Variants in PLXNA4 observed in about 807,000 individuals in gnomAD.
The protein encoded by PLXNA4 is plexin-A4.
In PLXNA4, 44 loss-of-function variants were observed where a neutral mutation model predicts 191.8. That is an observed-to-expected ratio of 0.23 (90% CI 0.18 to 0.29). PLXNA4 has a LOEUF of 0.29. Among genes scored for constraint, PLXNA4 ranks in the 10% least tolerant of loss-of-function variants. PLXNA4 has a pLI of 1.00. For synonymous variants in PLXNA4, 1,082 were observed against 1,009.5 expected (o/e 1.07, Z -1.36); for missense variants, 1,800 against 2,488.8 (o/e 0.72, Z 5.89).
chr7:132,160,932 A>G (rs537980271), intron 24 of PLXNA4, among the ~76,000 whole-genome samples: 31 of 93,002 alleles, frequency 3.3e-4, no homozygotes, highest in African/African-American at 7.5e-4. Flanking sequence ...GGAAGAAAAA[A>G]AAACCCCTGA....
intron 1 of PLXNA4, among the ~76,000 whole-genome samples, chr7:132,537,068 T>C (rs1799871813): frequency 3.3e-5 from 5 of 152,196 alleles, no homozygotes; most frequent in Admixed American, 3.3e-4. Flanking sequence ...TAAACTGCAC[T>C]TGGGGGCTGC....
chr7:132,357,278 C>A (rs1027070070), intron 3 of PLXNA4, among the ~76,000 whole-genome samples: 5 of 152,158 alleles, frequency 3.3e-5, no homozygotes, highest in African/African-American at 9.7e-5. Context: ...CAGCTGAGAG[C>A]GTGGAACACT....
At chr7:132,345,439 G>T (rs1456679309) in intron 3 of PLXNA4, among the ~76,000 whole-genome samples, 1 of 152,168 alleles carries the variant, frequency 6.6e-6, no homozygotes, top group Non-Finnish European at 1.5e-5. Flanking sequence ...CCAGCACATT[G>T]ATCTCTCCTG....
At chr7:132,367,920 G>A (rs1014856363) in intron 3 of PLXNA4, 1 of 152,180 alleles carries the variant, frequency 6.6e-6, no homozygotes, top group Admixed American at 6.5e-5. Context: ...GCTGGCCCAG[G>A]TTCCCCCAGG....
At chr7:132,588,307 C>A (rs1040769975) in intron 2 of PLXNA4, among the ~76,000 whole-genome samples, 2 of 151,932 alleles carry the variant, frequency 1.3e-5, no homozygotes, top group Admixed American at 1.3e-4. Context: ...TGAACAATGG[C>A]ATTCTTATCT....
chr7:132,377,769 G>A (rs1371739075), intron 3 of PLXNA4, among the ~76,000 whole-genome samples: 2 of 152,192 alleles, frequency 1.3e-5, no homozygotes, highest in East Asian at 1.9e-4. Flanking sequence ...CTGTGAGCAG[G>A]AAGGTATGGC....
At position 132,180,739 on chromosome 7, in the gene PLXNA4, A is replaced by G. The variant is rs769266358; in HGVS notation, c.3493-7T>C. 24 of 1,610,834 alleles carry G rather than the reference A, an allele frequency of 1.5e-5. No individual in the cohort carries two copies. Among genetic ancestry groups the G allele is most frequent in the Non-Finnish European group, 1.9e-5 (22 of 1,177,432 alleles). ...GCGGGATCAGGTTCTTGCCCTGTAC[A>G]AATGGGAAAGCACCAGTTCCCACCC... On this transcript the variant is annotated splice_polypyrimidine_tract_variant and splice_region_variant and intron_variant, in intron 18 of 31. Coordinates refer to ENST00000321063, the MANE Select transcript of PLXNA4 (RefSeq NM_020911.2).
intron 2 of PLXNA4, among the ~76,000 whole-genome samples, chr7:132,625,180 G>A (rs1042559825): frequency 6.6e-5 from 10 of 152,128 alleles, no homozygotes; most frequent in African/African-American, 1.7e-4. Flanking sequence ...GGTACAGACC[G>A]ATGACTTCAG....
intron 22 of PLXNA4, among the ~76,000 whole-genome samples, chr7:132,167,240 A>C (rs1369822719): frequency 1.3e-5 from 2 of 152,230 alleles, no homozygotes; most frequent in Non-Finnish European, 2.9e-5. Flanking sequence ...TCTAATTCCT[A>C]TAAGGCGAAA....
Position 132,131,631 on chromosome 7 carries a change from C to T in PLXNA4, c.5590-1057G>A, listed in dbSNP as rs529591727. On this transcript the variant is annotated intron_variant, in intron 31 of 31. Coordinates refer to ENST00000321063, the MANE Select transcript of PLXNA4 (RefSeq NM_020911.2). The stretch of plus-strand genomic sequence containing the variant: ...AGCTGGCCAAGAACTGTCATTTGTA[C>T]GCGCCATCATTTCATAGATGGGTTA... 1.7e-4 allele frequency among the ~76,000 whole-genome samples: 26 copies of T among 152,342 alleles called. No individual in the cohort carries two copies. The South Asian group carries it at 3.9e-3, about 23-fold the overall frequency.
chr7:132,562,804 TCTCCTCCTCCTTCTC>T (rs1351928083), intron 1 of PLXNA4, among the ~76,000 whole-genome samples: 3 of 17,636 alleles, frequency 1.7e-4, no homozygotes, highest in African/African-American at 4.7e-4. Context: ...ACCTCCTCCT[TCTCCTCCTCCTTCTC>T]CTCCTCCTTC....
At chr7:132,432,568 G>A (rs1795305696) in intron 3 of PLXNA4, among the ~76,000 whole-genome samples, 1 of 152,142 alleles carries the variant, frequency 6.6e-6, no homozygotes, top group Non-Finnish European at 1.5e-5. Flanking sequence ...CTAACGTGAG[G>A]GAGAGAAGGG....
chr7:132,177,526 A>T (rs1223422253), intron 20 of PLXNA4, among the ~76,000 whole-genome samples: 1 of 152,200 alleles, frequency 6.6e-6, no homozygotes, highest in African/African-American at 2.4e-5. Flanking sequence ...GCTCGCCCCT[A>T]AAGTCTGAAG....
At chr7:132,538,423 C>G (rs1178686732) in intron 1 of PLXNA4, among the ~76,000 whole-genome samples, 1 of 152,184 alleles carries the variant, frequency 6.6e-6, no homozygotes, top group African/African-American at 2.4e-5. Context: ...TGAAGTGTCC[C>G]CACCGTCAGG....
chr7:132,206,423 C>T lies in PLXNA4; in HGVS notation c.2299-3004G>A, dbSNP rs574178428. Among the ~76,000 whole-genome samples the T allele has an allele frequency of 2.1e-4, 29 of 138,950 alleles. No homozygotes were observed. The South Asian group carries it at 3.3e-3, about 16-fold the overall frequency. 91.2% of individuals were successfully genotyped at this position (138,950 alleles called of 152,430 possible). On this transcript the variant is annotated intron_variant, in intron 10 of 31. Coordinates refer to ENST00000321063, the MANE Select transcript of PLXNA4 (RefSeq NM_020911.2). ...GTATGGGGATGTATACATATGAGAA[C>T]GCTTATGTTTTCTGGTGTGTGTGTG... is the stretch of plus-strand genomic sequence containing the variant.
chr7:132,428,040 G>A (rs1795116337), intron 3 of PLXNA4, among the ~76,000 whole-genome samples: 1 of 152,136 alleles, frequency 6.6e-6, no homozygotes, highest in Non-Finnish European at 1.5e-5. Flanking sequence ...GGGAGGGGAG[G>A]ACATCGGCAC....
chr7:132,340,885 C>T (rs1313343784), intron 3 of PLXNA4, among the ~76,000 whole-genome samples: 2 of 152,122 alleles, frequency 1.3e-5, no homozygotes, highest in Non-Finnish European at 2.9e-5. Context: ...ACCATGTTGG[C>T]CAGGCTGGTC....
chr7:132,424,256 C>T (rs558770599), intron 3 of PLXNA4, among the ~76,000 whole-genome samples: 9 of 152,262 alleles, frequency 5.9e-5, no homozygotes, highest in Non-Finnish European at 7.4e-5. Flanking sequence ...TGGTCTGCCC[C>T]CCGCTCCCTG....
intron 9 of PLXNA4, among the ~76,000 whole-genome samples, chr7:132,215,581 A>G (rs920673502): frequency 2.6e-5 from 4 of 152,094 alleles, no homozygotes; most frequent in Admixed American, 1.3e-4. Flanking sequence ...CTCCTGGAGG[A>G]TGGGGGTATG....
Sources: allele counts gnomAD v4.1 joint callset (sites outside exome capture counted in the v4.1 genomes callset), GRCh38; gene constraint gnomAD v4.1.1; transcripts MANE v1.5; gene names NCBI Gene and HGNC (gene_info 2026-07-23, HGNC 2026-07-21).